Variants in DHDDS observed in about 807,000 individuals in gnomAD.
The protein encoded by DHDDS is dehydrodolichyl diphosphate synthase complex subunit DHDDS.
A neutral mutation model predicts 46.2 loss-of-function variants in DHDDS; 16 were observed. That is an observed-to-expected ratio of 0.35 (90% CI 0.23 to 0.53). The LOEUF (loss-of-function observed/expected upper bound fraction) is 0.53, where lower values mean the gene tolerates loss of function less well. Among genes scored for constraint, DHDDS ranks in the 20% least tolerant of loss-of-function variants. DHDDS has a pLI of 0.94. For missense variants in DHDDS, 340 were observed against 423.7 expected (o/e 0.80, Z 1.73); for synonymous variants, 151 against 163.1 (o/e 0.93, Z 0.56).
chr1:26,442,669 ATC>A, intron 3 of DHDDS, 60 bp from the exon 4 acceptor site: 1 of 1,604,966 alleles, frequency 6.2e-7, no homozygotes. Flanking sequence ...ACCAAAAAGT[ATC>A]TCTTATTTCC....
At chr1:26,433,979 C>T (rs1174710673) in intron 2 of DHDDS, among the ~76,000 whole-genome samples, 1 of 152,144 alleles carries the variant, frequency 6.6e-6, no homozygotes, top group African/African-American at 2.4e-5. Context: ...GGTGATCCAC[C>T]TATCTCAGCC....
In DHDDS at chr1:26,457,793, A is replaced by G; in HGVS notation, c.545A>G (p.Asp182Gly). 6.2e-7 allele frequency: 1 copy of G among 1,608,266 alleles called. No individual in the cohort carries two copies. The highest frequency in any genetic ancestry group is 8.5e-7 in the Non-Finnish European group (1 of 1,174,914). The change falls in exon 7 of 9, where the codon GAT becomes GGT. Residue 182 changes from aspartate (D) to glycine (G), a missense_variant and splice_region_variant. Coordinates refer to ENST00000236342, the MANE Select transcript of DHDDS (RefSeq NM_205861.3). Reference sequence around the variant, plus strand: ...TTGTCTCTTCTTGCTCATCTTAGTGATATCTCTGAGTCTCTGCTTGATAAG... The same window carrying G: ...TTGTCTCTTCTTGCTCATCTTAGTGGTATCTCTGAGTCTCTGCTTGATAAG... ...GVEQGLLDPSDISESLLDKCL... is the reference protein window; with the variant it reads ...GVEQGLLDPSGISESLLDKCL...
chr1:26,447,589 A>T lies in DHDDS; in HGVS notation c.471A>T (p.Thr157=). Residue 157 remains threonine, a synonymous_variant, in exon 6 of 9, where the codon ACA becomes ACT. Coordinates refer to ENST00000236342, the MANE Select transcript of DHDDS (RefSeq NM_205861.3). ...TCCTGAATGTCTGTTTTGCATACACATCCCGTCATGAGATCAGCAATGCTG... is the reference window on the plus strand; with the variant it reads ...TCCTGAATGTCTGTTTTGCATACACTTCCCGTCATGAGATCAGCAATGCTG... ...KCFLNVCFAY[T]SRHEISNAVR... is the part of the protein sequence containing the mutation. 2.5e-6 allele frequency: 4 copies of T among 1,614,186 alleles called. No individual in the cohort carries two copies. Among genetic ancestry groups the T allele is most frequent in the Non-Finnish European group, 2.5e-6 (3 of 1,180,042 alleles).
intron 2 of DHDDS, among the ~76,000 whole-genome samples, chr1:26,435,654 G>A (rs2075147362): frequency 6.8e-6 from 1 of 147,374 alleles, no homozygotes; most frequent in East Asian, 2.0e-4. Flanking sequence ...TTGCTCTGTC[G>A]CCCAGGCTGC....
At position 26,465,911 on chromosome 1, in the gene DHDDS, G is replaced by A. The variant is rs564462499; in HGVS notation, c.766-2984G>A. ...ACCTGGGCTGGCTGGTTGCAGCTTG[G>A]GGAAGGACTTTTCATTGGCTAATGT... On this transcript the variant is annotated intron_variant, in intron 8 of 8. Coordinates refer to ENST00000236342, the MANE Select transcript of DHDDS (RefSeq NM_205861.3). Among the ~76,000 whole-genome samples, 16 of 152,288 alleles carry A rather than the reference G, an allele frequency of 1.1e-4. No individual in the cohort carries two copies. The East Asian group carries it at 2.9e-3, about 28-fold the overall frequency.
rs141852437 is a variant in DHDDS at position 26,469,037 on chromosome 1, C to T, written c.908C>T (p.Ser303Leu). The T allele has an allele frequency of 2.6e-4, 424 of 1,613,914 alleles. No homozygotes were observed. The highest frequency in any genetic ancestry group is 1.1e-4 in the East Asian group (5 of 44,894). Residue 303 changes from serine to leucine, a missense_variant, in exon 9 of 9, where the codon TCG becomes TTG. This residue lies in a region of DHDDS where 268 missense variants were observed against 300.3 expected (regional missense o/e 0.89). Coordinates refer to ENST00000236342, the MANE Select transcript of DHDDS (RefSeq NM_205861.3). ...QLRRTRLHKL[S>L]ARREERVQGF... ...CGAAGGACACGCTTGCACAAACTCT[C>T]GGCCAGACGGGAAGAGCGAGTCCAA... is the stretch of plus-strand genomic sequence containing the variant.
At chr1:26,442,932 C>G in intron 4 of DHDDS, 59 bp downstream of exon 4, 3 of 1,611,978 alleles carry the variant, frequency 1.9e-6, no homozygotes, top group Non-Finnish European at 1.7e-6. Flanking sequence ...TTATCCTAAC[C>G]CTTGAAATTC....
intron 2 of DHDDS, among the ~76,000 whole-genome samples, chr1:26,433,572 C>T (rs918007861): frequency 3.3e-5 from 5 of 151,636 alleles, no homozygotes; most frequent in African/African-American, 1.2e-4. Context: ...TTTCTTGAGC[C>T]CAGGTCAAAG....
chr1:26,441,441 C>G lies in DHDDS; in HGVS notation c.181-1290C>G, dbSNP rs1177821650. On this transcript the variant is annotated intron_variant, in intron 3 of 8. Coordinates refer to ENST00000236342, the MANE Select transcript of DHDDS (RefSeq NM_205861.3). ...GCTTGAACTCCCAACCTCAGGTAAT[C>G]TGCCCACCTTGGCCTCCCAAAGTGC... Among the ~76,000 whole-genome samples the G allele has an allele frequency of 6.6e-5, 10 of 152,128 alleles. No homozygotes were observed. In the East Asian group the frequency reaches 1.9e-3, roughly 30 times the overall value.
At position 26,470,872 on chromosome 1, in the gene DHDDS, A is replaced by C. The variant is rs1198757374; in HGVS notation, c.*1741A>C. 6.5e-6 allele frequency: 1 copy of C among 152,790 alleles called. No homozygotes were observed. Among genetic ancestry groups the C allele is most frequent in the Non-Finnish European group, 1.5e-5 (1 of 68,142 alleles). The allele number at this position is 152,790 out of a possible 1,614,324, so 9.5% of individuals were successfully genotyped here. On this transcript the variant is annotated 3_prime_UTR_variant, in exon 9 of 9. Coordinates refer to ENST00000236342, the MANE Select transcript of DHDDS (RefSeq NM_205861.3). Reference sequence around the variant, plus strand: ...AAGGCGGGAATGAGGGGCTGGAGGCAGCAAACGGAATCTGCCCTATGAGCG... The same window carrying C: ...AAGGCGGGAATGAGGGGCTGGAGGCCGCAAACGGAATCTGCCCTATGAGCG...
chr1:26,456,424 G>A (rs1191980876), intron 6 of DHDDS, among the ~76,000 whole-genome samples: 3 of 151,970 alleles, frequency 2.0e-5, no homozygotes, highest in South Asian at 2.1e-4. Flanking sequence ...ACAGAGCCTC[G>A]CTCTGTCACT....
In DHDDS at chr1:26,468,997, G is replaced by A; in HGVS notation, c.868G>A (p.Gly290Arg). ...GCTGCGAGAGGGGCTCCAAGCCAGT[G>A]GGGACGCCCAGCTCCGAAGGACACG... is the stretch of plus-strand genomic sequence containing the variant. ...QLLREGLQAS[G>R]DAQLRRTRLH... Residue 290 changes from glycine to arginine, a missense_variant, in exon 9 of 9, where the codon GGG (glycine) becomes AGG (arginine). Physicochemically the swap from Gly to Arg is moderately radical, Grantham distance 125. Coordinates refer to ENST00000236342, the MANE Select transcript of DHDDS (RefSeq NM_205861.3). The A allele has an allele frequency of 1.2e-6, 2 of 1,614,160 alleles. No homozygotes were observed. Among genetic ancestry groups the A allele is most frequent in the Non-Finnish European group, 1.7e-6 (2 of 1,180,040 alleles).
At chr1:26,459,925 T>C in intron 7 of DHDDS, 112 bp from the exon 8 acceptor site, 3 of 855,630 alleles carry the variant, frequency 3.5e-6, no homozygotes, top group Non-Finnish European at 2.0e-6. Flanking sequence ...TGTAACATTG[T>C]CATCTCTGGG....
At chr1:26,443,198 C>G in intron 4 of DHDDS, 1 of 317,988 alleles carries the variant, frequency 3.1e-6, no homozygotes, top group South Asian at 2.9e-5. Flanking sequence ...TTCCACCTCT[C>G]TCTGCAGACC....
intron 6 of DHDDS, among the ~76,000 whole-genome samples, chr1:26,457,001 G>C (rs562202518): frequency 6.6e-6 from 1 of 152,190 alleles, no homozygotes; most frequent in East Asian, 1.9e-4. Context: ...CAAATACTGG[G>C]CCATAGGATG....
chr1:26,441,895 TAAAAA>T (rs71581065), intron 3 of DHDDS, among the ~76,000 whole-genome samples: 1 of 123,948 alleles, frequency 8.1e-6, no homozygotes, highest in South Asian at 2.7e-4. Flanking sequence ...GACTCCAGCT[TAAAAA>T]AAAAAAAAAA....
chr1:26,458,944 T>C (rs1397607931), intron 7 of DHDDS, among the ~76,000 whole-genome samples: 2 of 151,910 alleles, frequency 1.3e-5, no homozygotes, highest in African/African-American at 2.4e-5. Context: ...AAGCAAGGAA[T>C]CTCATGTCTT....
chr1:26,468,802 C>T (rs2075519240), intron 8 of DHDDS, 93 bp from the exon 9 acceptor site: 5 of 1,268,494 alleles, frequency 3.9e-6, no homozygotes, highest in Non-Finnish European at 3.3e-6. Context: ...TTCACTTGGC[C>T]CACCCTGTGC....
At chr1:26,445,803 A>G (rs1368053929) in intron 4 of DHDDS, among the ~76,000 whole-genome samples, 1 of 151,966 alleles carries the variant, frequency 6.6e-6, no homozygotes, top group African/African-American at 2.4e-5. Flanking sequence ...CAGGCAGATC[A>G]CTTGAGGTCA....
Sources: allele counts gnomAD v4.1 joint callset (sites outside exome capture counted in the v4.1 genomes callset), GRCh38; gene constraint gnomAD v4.1.1; regional missense constraint gnomAD v4.1.1; transcripts MANE v1.5; gene names NCBI Gene and HGNC (gene_info 2026-07-23, HGNC 2026-07-21).